The following SLC44A1 variants were observed in gnomAD, a reference collection of about 807,000 sequenced individuals.
The protein encoded by SLC44A1 is solute carrier family 44 member 1.
SLC44A1 carries 26 observed loss-of-function variants against 79.3 expected under a neutral mutation model. The ratio of observed to expected loss-of-function variants is 0.33; its 90% CI spans 0.24 to 0.46. SLC44A1 has a LOEUF of 0.46. Among genes scored for constraint, SLC44A1 ranks in the 20% least tolerant of loss-of-function variants. SLC44A1 has a pLI of 1.00. For missense variants in SLC44A1, 688 were observed against 798.1 expected, an observed-to-expected ratio of 0.86 and a Z score of 1.66; for synonymous variants, 263 against 286.2, an observed-to-expected ratio of 0.92 and a Z score of 0.82.
rs116634625 is a variant in SLC44A1 at position 105,425,183 on chromosome 9, C to T, written c.1951-13098C>T. Among the ~76,000 whole-genome samples the T allele has an allele frequency of 5.0e-3, 760 of 151,968 alleles. 9 individuals carry two copies. The highest frequency in any genetic ancestry group is 0.018 in the African/African-American group (727 of 41,420). On this transcript the variant is annotated intron_variant, in intron 15 of 15. Coordinates refer to the SLC44A1 transcript ENST00000374724. ...GTACAACATTCTATGTCAGTAATAC[C>T]CATCGAACACACTATTTTTGGTGAC...
chr9:105,290,051 G>C (rs1830568013), intron 1 of SLC44A1, among the ~76,000 whole-genome samples: 1 of 152,000 alleles, frequency 6.6e-6, no homozygotes, highest in African/African-American at 2.4e-5. Context: ...CCTGACCTCA[G>C]GTGATCCACC....
intron 15 of SLC44A1, among the ~76,000 whole-genome samples, chr9:105,411,838 G>A (rs910873827): frequency 2.6e-5 from 4 of 152,122 alleles, no homozygotes; most frequent in South Asian, 4.1e-4. Flanking sequence ...ACATGATCTC[G>A]TTTGTCCCAT....
At chr9:105,314,997 G>C (rs936444363) in intron 3 of SLC44A1, among the ~76,000 whole-genome samples, 1 of 152,170 alleles carries the variant, frequency 6.6e-6, no homozygotes, top group South Asian at 2.1e-4. Context: ...GGTGCTCTTC[G>C]CATCATACAC....
intron 3 of SLC44A1, among the ~76,000 whole-genome samples, chr9:105,323,088 C>T (rs1368926725): frequency 4.0e-5 from 6 of 149,580 alleles, no homozygotes; most frequent in African/African-American, 1.2e-4. Context: ...TGGTGGCGGG[C>T]ACCTGTAATC....
intron 1 of SLC44A1, among the ~76,000 whole-genome samples, chr9:105,288,664 G>A (rs769339197): frequency 1.3e-5 from 2 of 152,062 alleles, no homozygotes; most frequent in African/African-American, 4.8e-5. Flanking sequence ...TTAATATTTC[G>A]GATTATTTCC....
At chr9:105,404,557 G>A (rs1396022909) in intron 15 of SLC44A1, among the ~76,000 whole-genome samples, 1 of 152,232 alleles carries the variant, frequency 6.6e-6, no homozygotes, top group Non-Finnish European at 1.5e-5. Context: ...GTCATGGGTT[G>A]TTTGTCCTCT....
intron 1 of SLC44A1, among the ~76,000 whole-genome samples, chr9:105,267,202 TC>T (rs1347549647): frequency 6.6e-6 from 1 of 152,212 alleles, no homozygotes; most frequent in Non-Finnish European, 1.5e-5. Flanking sequence ...AATGAGTTGT[TC>T]CATTGCCTTC....
intron 1 of SLC44A1, chr9:105,294,867 C>CTGTGTGTGTGTG (rs58548571): frequency 1.1e-4 from 15 of 130,910 alleles, no homozygotes; most frequent in South Asian, 5.2e-4. Context: ...AATTTTGAGT[C>CTGTGTGTGTGTG]TGTGTGTGTG....
intron 4 of SLC44A1, among the ~76,000 whole-genome samples, chr9:105,343,907 G>A (rs1417848892): frequency 6.6e-6 from 1 of 152,188 alleles, no homozygotes; most frequent in Non-Finnish European, 1.5e-5. Context: ...TGCCAACAGT[G>A]GTTGACAGAC....
Position 105,335,667 on chromosome 9 carries a change from T to G in SLC44A1, c.374T>G (p.Leu125Arg), listed in dbSNP as rs200643529. The G allele has an allele frequency of 1.2e-6, 2 of 1,613,658 alleles. No homozygotes were observed. The highest frequency in any genetic ancestry group is 1.7e-6 in the Non-Finnish European group (2 of 1,179,700). ...TGTCCAAGGCAAGAACTGAAAACTC[T>G]GAGTGATGTTCAGAAGTTTGCAGAG... ...AACPRQELKT[L>R]SDVQKFAEIN... Residue 125 changes from leucine to arginine, a missense_variant, in exon 4 of 16, where the codon CTG becomes CGG. Physicochemically the swap from Leu to Arg is moderately radical, Grantham distance 102. Transcript: ENST00000374720.
rs1316559670 is a variant in SLC44A1, at chr9:105,361,218, A to G, written c.788A>G (p.Tyr263Cys). 6 of 1,613,994 alleles carry G rather than the reference A, an allele frequency of 3.7e-6. No individual in the cohort carries two copies. In the African/African-American group the frequency reaches 8.0e-5, roughly 22 times the overall value. Residue 263 changes from tyrosine to cysteine, a missense_variant, in exon 8 of 16, where the codon TAT becomes TGT. Tyr to Cys is a radical substitution (Grantham distance 194). Transcript: ENST00000374720. The stretch of plus-strand genomic sequence containing the variant: ...GGCACAGGTGTACTATGGTGGCTGT[A>G]TGCAAAGCAAAGAAGGTCTCCCAAA... Reference protein sequence around the residue: ...LGGTGVLWWLYAKQRRSPKET... With the variant: ...LGGTGVLWWLCAKQRRSPKET...
At chr9:105,305,654 A>T (rs1464922758) in intron 2 of SLC44A1, among the ~76,000 whole-genome samples, 1 of 151,724 alleles carries the variant, frequency 6.6e-6, no homozygotes, top group Admixed American at 6.6e-5. Flanking sequence ...TTTAAGCAGA[A>T]CTCCTTTTTT....
intron 1 of SLC44A1, among the ~76,000 whole-genome samples, chr9:105,261,342 C>A (rs1026068966): frequency 6.6e-6 from 1 of 152,170 alleles, no homozygotes; most frequent in African/African-American, 2.4e-5. Flanking sequence ...TTCCCTGCAA[C>A]ACACCTCTTG....
rs1828852135 is a variant in SLC44A1, at chr9:105,395,225, T to C, written c.*6169T>C. The stretch of plus-strand genomic sequence containing the variant: ...GTTTGGGGGTTTTTTTTGTTTGTTT[T>C]TGGTGTTTTTTTGAGACGGAGTCTC... On this transcript the variant is annotated 3_prime_UTR_variant, in exon 16 of 16. Coordinates refer to ENST00000374720, the MANE Select transcript of SLC44A1 (RefSeq NM_080546.5). 1 of 980,238 alleles carries C rather than the reference T, an allele frequency of 1.0e-6. No homozygotes were observed. Among genetic ancestry groups the C allele is most frequent in the African/African-American group, 1.8e-5 (1 of 57,108 alleles). 60.7% of individuals were successfully genotyped at this position (980,238 alleles called of 1,614,324 possible). A position where few individuals can be genotyped will look rare whatever the true frequency, so the allele number is the denominator to read the frequency against.
intron 3 of SLC44A1, among the ~76,000 whole-genome samples, chr9:105,312,072 T>TTGATCACA (rs1831196251): frequency 6.6e-6 from 1 of 152,220 alleles, no homozygotes; most frequent in Non-Finnish European, 1.5e-5. Context: ...CACTTTCTCC[T>TTGATCACA]GTTCCTTACT....
At chr9:105,432,369 A>G (rs555231276) in intron 15 of SLC44A1, among the ~76,000 whole-genome samples, 59 of 152,362 alleles carry the variant, frequency 3.9e-4, no homozygotes, top group African/African-American at 1.3e-3. Flanking sequence ...ATACAACCTT[A>G]TCATTTGTGT....
intron 1 of SLC44A1, among the ~76,000 whole-genome samples, chr9:105,264,901 A>AT (rs1829924725): frequency 6.6e-6 from 1 of 151,320 alleles, no homozygotes. Context: ...GGTTCAAGTG[A>AT]TTCTCCTGCC....
At chr9:105,333,676 A>C (rs1313432172) in intron 3 of SLC44A1, among the ~76,000 whole-genome samples, 2 of 151,946 alleles carry the variant, frequency 1.3e-5, no homozygotes, top group Non-Finnish European at 2.9e-5. Context: ...CGGGTGTGGT[A>C]GTAGGTGCCT....
chr9:105,252,556 T>C (rs1185228351), intron 1 of SLC44A1, among the ~76,000 whole-genome samples: 14 of 152,338 alleles, frequency 9.2e-5, no homozygotes, highest in East Asian at 3.9e-4. Context: ...CAAGTATACT[T>C]ATAAAGGTGT....
Sources: allele counts gnomAD v4.1 joint callset (sites outside exome capture counted in the v4.1 genomes callset), GRCh38; gene constraint gnomAD v4.1.1; transcripts MANE v1.5; gene names NCBI Gene and HGNC (gene_info 2026-07-23, HGNC 2026-07-21).